USP45: variants seen among roughly 807,000 people sequenced by gnomAD.
The protein encoded by USP45 is ubiquitin carboxyl-terminal hydrolase 45.
In USP45, 89 loss-of-function variants were observed where a neutral mutation model predicts 95.8. The ratio of observed to expected loss-of-function variants is 0.93; its 90% CI spans 0.78 to 1.11. The LOEUF (loss-of-function observed/expected upper bound fraction) is 1.11, where lower values mean the gene tolerates loss of function less well. Among genes scored for constraint, USP45 ranks in the 50% least tolerant of loss-of-function variants. The probability of loss-of-function intolerance (pLI) is 0.00; values close to 1 mark genes in which losing one functional copy is unlikely to be tolerated. For missense variants in USP45, 898 were observed against 942.5 expected, an observed-to-expected ratio of 0.95 and a Z score of 0.62; for synonymous variants, 281 against 316.2, an observed-to-expected ratio of 0.89 and a Z score of 1.18.
At chr6:99,447,325 A>G (rs1165849635) in intron 13 of USP45, among the ~76,000 whole-genome samples, 1 of 152,232 alleles carries the variant, frequency 6.6e-6, no homozygotes, top group Non-Finnish European at 1.5e-5. Flanking sequence ...AAATAAAGAA[A>G]AGACTATCAT....
intron 13 of USP45, among the ~76,000 whole-genome samples, chr6:99,452,900 C>T (rs1335514749): frequency 2.0e-5 from 3 of 152,040 alleles, no homozygotes; most frequent in Non-Finnish European, 4.4e-5. Context: ...AGCTGGAAAC[C>T]ATCATTATCA....
chr6:99,497,519 C>G, intron 5 of USP45, among the ~76,000 whole-genome samples: 1 of 152,286 alleles, frequency 6.6e-6, no homozygotes. Context: ...AATTAGCTTG[C>G]CAGTTTACTC....
rs759561012 is a variant in USP45 at position 99,508,794 on chromosome 6, A to G, written c.101-12T>C. ...GCAAGTTAAACCTACTGAATAAGAT[A>G]AAACAAAATCTCAACATTTTCTTTG... On this transcript the variant is annotated splice_polypyrimidine_tract_variant and intron_variant, in intron 2 of 17. Coordinates refer to ENST00000500704, the MANE Select transcript of USP45 (RefSeq NM_001346022.3). The G allele has an allele frequency of 4.4e-6, 7 of 1,596,156 alleles. No individual in the cohort carries two copies. Among genetic ancestry groups the G allele is most frequent in the Admixed American group, 1.8e-5 (1 of 57,006 alleles).
At chr6:99,485,285 C>A (rs1470705936) in intron 7 of USP45, among the ~76,000 whole-genome samples, 1 of 151,816 alleles carries the variant, frequency 6.6e-6, no homozygotes, top group Non-Finnish European at 1.5e-5. Context: ...GCAGAGGTTG[C>A]AGTGAGCCGA....
intron 9 of USP45, among the ~76,000 whole-genome samples, chr6:99,471,959 A>ATT (rs1045262622): frequency 2.2e-4 from 33 of 152,330 alleles, no homozygotes; most frequent in Admixed American, 1.8e-3. Context: ...TTACTGCACC[A>ATT]TTTAAAGCCT....
intron 8 of USP45, 141 bp from the exon 9 acceptor site, chr6:99,476,371 G>A: frequency 1.3e-6 from 1 of 762,344 alleles, no homozygotes. Flanking sequence ...CATTTGGGAG[G>A]CCAAGGGGCA....
At chr6:99,444,931 C>A (rs1782203309) in intron 14 of USP45, among the ~76,000 whole-genome samples, 1 of 152,154 alleles carries the variant, frequency 6.6e-6, no homozygotes, top group African/African-American at 2.4e-5. Context: ...ATAATAAAGC[C>A]TACATTTTAA....
At chr6:99,477,119 C>T (rs1482066540) in intron 8 of USP45, among the ~76,000 whole-genome samples, 1 of 152,094 alleles carries the variant, frequency 6.6e-6, no homozygotes, top group Non-Finnish European at 1.5e-5. Flanking sequence ...GTAGAAGACA[C>T]ATTTACAACT....
At chr6:99,513,296 T>C (rs1041797077) in intron 1 of USP45, among the ~76,000 whole-genome samples, 3 of 152,170 alleles carry the variant, frequency 2.0e-5, no homozygotes, top group Admixed American at 6.6e-5. Flanking sequence ...TCAACTTACA[T>C]ACTATCCACA....
intron 7 of USP45, among the ~76,000 whole-genome samples, chr6:99,485,178 A>AAAAC (rs1793578394): frequency 6.7e-6 from 1 of 149,250 alleles, no homozygotes; most frequent in African/African-American, 2.5e-5. Context: ...AAAAATACAA[A>AAAAC]AAAAAAAAAA....
intron 5 of USP45, among the ~76,000 whole-genome samples, chr6:99,494,887 G>GGGCTACAAAGTGAGACAC (rs1795972032): frequency 6.6e-6 from 1 of 151,816 alleles, no homozygotes; most frequent in Non-Finnish European, 1.5e-5. Flanking sequence ...GAGTGAGACT[G>GGGCTACAAAGTGAGACAC]TTTCAAAAAA....
chr6:99,437,393 T>C lies in USP45; in HGVS notation c.2167A>G (p.Ser723Gly). The stretch of plus-strand genomic sequence containing the variant: ...CCGTAGAGAACTTTATCTCCCACAC[T>C]TGCATTCTTTTAAACAAAGAAAAAA... ...PFCSATCKNA[S>G]VGDKVLYGLY... Residue 723 changes from serine (S) to glycine (G), a missense_variant, in exon 17 of 18, where the codon AGT becomes GGT. By Grantham distance (56) the Ser-to-Gly change is moderately conservative (BLOSUM62 0). Coordinates refer to ENST00000500704, the MANE Select transcript of USP45 (RefSeq NM_001346022.3). 3.8e-6 allele frequency: 6 copies of C among 1,584,884 alleles called. No homozygotes were observed. Among genetic ancestry groups the C allele is most frequent in the Non-Finnish European group, 4.3e-6 (5 of 1,172,382 alleles).
At chr6:99,479,033 G>A (rs1791624839) in intron 8 of USP45, among the ~76,000 whole-genome samples, 2 of 151,696 alleles carry the variant, frequency 1.3e-5, no homozygotes, top group African/African-American at 2.4e-5. Context: ...ACAGGTAAGG[G>A]GTATACCACC....
chr6:99,482,800 T>C lies in USP45; in HGVS notation c.798A>G (p.Glu266=). Residue 266 remains glutamate (E), a synonymous_variant, in exon 8 of 18, where the codon GAA becomes GAG. Coordinates refer to ENST00000500704, the MANE Select transcript of USP45 (RefSeq NM_001346022.3). ...GAACTTTAGGAGAAAGTGGTCCTTTTTCAGTCTCCTTCATGCTGTGAAGAA... is the reference window on the plus strand; with the variant it reads ...GAACTTTAGGAGAAAGTGGTCCTTTCTCAGTCTCCTTCATGCTGTGAAGAA... ...FLFLHSMKET[E]KGPLSPKVLF... 6.2e-7 allele frequency: 1 copy of C among 1,605,830 alleles called. No individual in the cohort carries two copies. Among genetic ancestry groups the C allele is most frequent in the Non-Finnish European group, 8.5e-7 (1 of 1,175,568 alleles).
At chr6:99,507,391 G>T in intron 4 of USP45, 37 bp downstream of exon 4, 3 of 1,295,312 alleles carry the variant, frequency 2.3e-6, no homozygotes, top group South Asian at 1.3e-5. Flanking sequence ...GGGGGGCTGT[G>T]GTTAGTGGAC....
intron 1 of USP45, among the ~76,000 whole-genome samples, chr6:99,511,172 ATAT>A (rs1799689759): frequency 7.4e-6 from 1 of 135,420 alleles, no homozygotes. Context: ...TTCCACATTT[ATAT>A]TATTATTACT....
chr6:99,511,608 C>A (rs1042831553), intron 1 of USP45, among the ~76,000 whole-genome samples: 15 of 151,860 alleles, frequency 9.9e-5, no homozygotes, highest in African/African-American at 3.6e-4. Context: ...CACCACAATG[C>A]CCAGATAATT....
chr6:99,455,810 T>G (rs553069754), intron 13 of USP45, among the ~76,000 whole-genome samples: 27 of 124,500 alleles, frequency 2.2e-4, no homozygotes, highest in Non-Finnish European at 3.4e-4. Flanking sequence ...CTCACTCTTA[T>G]GTGAGAGCTA....
At chr6:99,486,572 CAT>C (rs1331049754) in intron 7 of USP45, among the ~76,000 whole-genome samples, 3 of 150,636 alleles carry the variant, frequency 2.0e-5, no homozygotes. Flanking sequence ...ACTATATATA[CAT>C]ATATATATGG....
Sources: allele counts gnomAD v4.1 joint callset (sites outside exome capture counted in the v4.1 genomes callset), GRCh38; gene constraint gnomAD v4.1.1; transcripts MANE v1.5; gene names NCBI Gene and HGNC (gene_info 2026-07-23, HGNC 2026-07-21).